Variants in IL6 observed in about 807,000 individuals in gnomAD.
IL6 encodes the protein interleukin 6.
Under a neutral mutation model 18.0 loss-of-function variants are expected in IL6, and 5 were observed. The ratio of observed to expected loss-of-function variants is 0.28; its 90% CI spans 0.15 to 0.58. The LOEUF is 0.58. IL6 is among the 20% of genes least tolerant of loss of function. The pLI is 0.90. For synonymous variants in IL6, 97 were observed against 95.1 expected (o/e 1.02, Z -0.12); for missense variants, 266 against 251.0 (o/e 1.06, Z -0.40).
At chr7:22,728,476 C>T (rs943329210) in intron 2 of IL6, 3 of 513,928 alleles carry the variant, frequency 5.8e-6, no homozygotes, top group Non-Finnish European at 1.0e-5. Context: ...GAAACTGAGA[C>T]TCAGGATTAA....
intron 4 of IL6, chr7:22,730,344 T>C: frequency 1.0e-6 from 1 of 960,008 alleles, no homozygotes; most frequent in Non-Finnish European, 1.2e-6. Context: ...GGGCATCTTC[T>C]TGTGGTGTGG....
In IL6 at chr7:22,727,782, A is replaced by T. The variant is rs531631340; in HGVS notation, c.210+148A>T. 5.8e-4 allele frequency: 467 copies of T among 798,668 alleles called. 2 individuals are homozygous for T. Among genetic ancestry groups the T allele is most frequent in the South Asian group, 1.4e-3 (67 of 47,654 alleles). The allele number at this position is 798,668 out of a possible 1,614,324, so 49.5% of individuals were successfully genotyped here. A position where few individuals can be genotyped will look rare whatever the true frequency, so the allele number is the denominator to read the frequency against. ...GAGGCCAACGGGGCCGACTAGACTGACTTCTGTATTTATCCTTTGCTGGTG... is the reference window on the plus strand; with the variant it reads ...GAGGCCAACGGGGCCGACTAGACTGTCTTCTGTATTTATCCTTTGCTGGTG... On this transcript the variant is annotated intron_variant, in intron 2 of 4. Coordinates refer to ENST00000258743, the MANE Select transcript of IL6 (RefSeq NM_000600.5).
chr7:22,728,197 G>T (rs561151038), intron 2 of IL6, among the ~76,000 whole-genome samples: 2 of 152,246 alleles, frequency 1.3e-5, no homozygotes, highest in South Asian at 4.2e-4. Flanking sequence ...GGGGAGATTG[G>T]GAGCCCACAC....
chr7:22,730,068 G>C, intron 4 of IL6: 1 of 985,378 alleles, frequency 1.0e-6, no homozygotes, highest in Non-Finnish European at 1.2e-6. Context: ...TCTCACTGTG[G>C]TTGTTTCAAT....
intron 4 of IL6, among the ~76,000 whole-genome samples, chr7:22,731,117 TA>T (rs1784116138): frequency 6.6e-6 from 1 of 151,688 alleles, no homozygotes; most frequent in Non-Finnish European, 1.5e-5. Context: ...CATACACCTG[TA>T]ACCCAGCTAC....
chr7:22,728,953 C>G (rs2069840), intron 3 of IL6, 147 bp downstream of exon 3: 180,230 of 631,248 alleles, frequency 0.29, 28,463 homozygotes, highest in Non-Finnish European at 0.34. Flanking sequence ...AGGAGGCCAA[C>G]TTCAAGCTTT....
In IL6 at chr7:22,731,640, G is replaced by C. The variant is rs200226108; in HGVS notation, c.*67G>C. On this transcript the variant is annotated 3_prime_UTR_variant, in exon 5 of 5. Coordinates refer to ENST00000258743, the MANE Select transcript of IL6 (RefSeq NM_000600.5). ...TTCTGGTCAGAAACCTGTCCACTGG[G>C]CACAGAACTTATGTTGTTCTCTATG... 1 of 1,243,318 alleles carries C rather than the reference G, an allele frequency of 8.0e-7. No individual in the cohort carries two copies. The highest frequency in any genetic ancestry group is 1.1e-6 in the Non-Finnish European group (1 of 908,170). 77.0% of individuals were successfully genotyped at this position (1,243,318 alleles called of 1,614,324 possible).
At chr7:22,728,372 C>A in intron 2 of IL6, 1 of 262,704 alleles carries the variant, frequency 3.8e-6, no homozygotes. Flanking sequence ...GTCAAAATTG[C>A]TGTTATTAAG....
In IL6 at chr7:22,728,704, G is replaced by A; in HGVS notation, c.222G>A (p.Lys74=). The A allele has an allele frequency of 6.3e-7, 1 of 1,597,130 alleles. No individual in the cohort carries two copies. Among genetic ancestry groups the A allele is most frequent in the Non-Finnish European group, 8.6e-7 (1 of 1,164,430 alleles). ...GTATTCTTTCCCAGACATGTAACAAGAGTAACATGTGTGAAAGCAGCAAAG... is the reference window on the plus strand; with the variant it reads ...GTATTCTTTCCCAGACATGTAACAAAAGTAACATGTGTGAAAGCAGCAAAG... The part of the protein sequence containing the change: ...ISALRKETCN[K]SNMCESSKEA... The change falls in exon 3 of 5, where the codon AAG becomes AAA. Residue 74 remains lysine, a synonymous_variant. Coordinates refer to ENST00000258743, the MANE Select transcript of IL6 (RefSeq NM_000600.5).
intron 2 of IL6, 55 bp from the exon 3 acceptor site, chr7:22,728,638 G>C (rs1388932426): frequency 4.1e-6 from 4 of 967,472 alleles, no homozygotes; most frequent in African/African-American, 1.6e-5. Context: ...AGGCCCTCTA[G>C]TGGTGTTTGT....
intron 4 of IL6, among the ~76,000 whole-genome samples, chr7:22,730,894 T>A (rs1382158059): frequency 1.3e-5 from 2 of 152,024 alleles, no homozygotes; most frequent in Non-Finnish European, 2.9e-5. Flanking sequence ...GGTGCTTCCC[T>A]CAGGATGCTT....
In IL6 at chr7:22,731,403, C is replaced by G; in HGVS notation, c.472-3C>G. 6.4e-7 allele frequency: 1 copy of G among 1,562,050 alleles called. No homozygotes were observed. The highest frequency in any genetic ancestry group is 8.7e-7 in the Non-Finnish European group (1 of 1,146,552). The stretch of plus-strand genomic sequence containing the variant: ...AATCCTTTTTACTTTCATTTTCCTT[C>G]AGGCAAAGAATCTAGATGCAATAAC... On this transcript the variant is annotated splice_region_variant and splice_polypyrimidine_tract_variant and intron_variant, in intron 4 of 4. Transcript: ENST00000258743.
In IL6 at chr7:22,729,564, C is replaced by T; in HGVS notation, c.375C>T (p.Tyr125=). The stretch of plus-strand genomic sequence containing the variant: ...CTGGTCTTTTGGAGTTTGAGGTATA[C>T]CTAGAGTACCTCCAGAACAGATTTG... ...IITGLLEFEV[Y]LEYLQNRFES... Residue 125 remains tyrosine (Y), a synonymous_variant, in exon 4 of 5, where the codon TAC becomes TAT. Transcript: ENST00000258743. 1 of 1,614,064 alleles carries T rather than the reference C, an allele frequency of 6.2e-7. No homozygotes were observed.
rs541464782 is a variant in IL6, at chr7:22,731,432, C to T, written c.498C>T (p.Thr166=). The change falls in exon 5 of 5, where the codon ACC becomes ACT. Residue 166 remains threonine (T), a synonymous_variant. Coordinates refer to ENST00000258743, the MANE Select transcript of IL6 (RefSeq NM_000600.5). ...KKAKNLDAIT[T]PDPTTNASLL... ...CAAAGAATCTAGATGCAATAACCACCCCTGACCCAACCACAAATGCCAGCC... is the reference window on the plus strand; with the variant it reads ...CAAAGAATCTAGATGCAATAACCACTCCTGACCCAACCACAAATGCCAGCC... 1.2e-6 allele frequency: 2 copies of T among 1,603,776 alleles called. No homozygotes were observed. Among genetic ancestry groups the T allele is most frequent in the East Asian group, 4.5e-5 (2 of 44,776 alleles).
chr7:22,729,907 C>T, intron 4 of IL6: 1 of 1,401,284 alleles, frequency 7.1e-7, no homozygotes, highest in Non-Finnish European at 9.3e-7. Context: ...TGGATTTTAA[C>T]ATCAATTTTT....
At chr7:22,728,520 C>T (rs145258384) in intron 2 of IL6, 173 bp from the exon 3 acceptor site, 21 of 592,928 alleles carry the variant, frequency 3.5e-5, no homozygotes, top group South Asian at 2.1e-4. Flanking sequence ...GAGCTTGGAA[C>T]TGAACCCAAG....
At chr7:22,730,949 G>A (rs1362894907) in intron 4 of IL6, among the ~76,000 whole-genome samples, 2 of 152,104 alleles carry the variant, frequency 1.3e-5, no homozygotes, top group Non-Finnish European at 2.9e-5. Flanking sequence ...ATTAGAAGTT[G>A]GTTGCTGTGA....
At chr7:22,729,868 C>T in intron 4 of IL6, 1 of 1,463,984 alleles carries the variant, frequency 6.8e-7, no homozygotes, top group Non-Finnish European at 9.0e-7. Context: ...ACATCAATAA[C>T]TGTATTTTAA....
intron 2 of IL6, among the ~76,000 whole-genome samples, chr7:22,728,066 C>T (rs1784049720): frequency 6.6e-6 from 1 of 152,166 alleles, no homozygotes. Flanking sequence ...CAAAGCCATT[C>T]CAGCTAAGAT....
Sources: allele counts gnomAD v4.1 joint callset (sites outside exome capture counted in the v4.1 genomes callset), GRCh38; gene constraint gnomAD v4.1.1; transcripts MANE v1.5; gene names NCBI Gene and HGNC (gene_info 2026-07-23, HGNC 2026-07-21).